The following LRMDA variants were observed in gnomAD, a reference collection of about 807,000 sequenced individuals.
LRMDA encodes the protein leucine-rich melanocyte differentiation-associated protein.
In LRMDA, 18 loss-of-function variants were observed where a neutral mutation model predicts 29.8. The observed-to-expected ratio is 0.60, with a 90% CI of 0.42 to 0.90. LRMDA has a LOEUF of 0.90. Ranked by LOEUF, LRMDA falls within the 40% of genes least tolerant of loss-of-function variation. The pLI, the probability that LRMDA is intolerant of heterozygous loss-of-function variation, is 0.00. For synonymous variants in LRMDA, 125 were observed against 109.4 expected (o/e 1.14, Z -0.89); for missense variants, 273 against 273.9 (o/e 1.00, Z 0.02).
chr10:75,559,191 C>T (rs1840257626), intron 2 of LRMDA, among the ~76,000 whole-genome samples: 1 of 152,168 alleles, frequency 6.6e-6, no homozygotes, highest in Admixed American at 6.5e-5. Flanking sequence ...TTTACAGCAC[C>T]TGTTGTTTCC....
chr10:76,092,752 A>G (rs562158503), intron 5 of LRMDA, among the ~76,000 whole-genome samples: 1 of 152,354 alleles, frequency 6.6e-6, no homozygotes, highest in South Asian at 2.1e-4. Flanking sequence ...GGAAATGTGG[A>G]TGGCAGTGCC....
intron 2 of LRMDA, among the ~76,000 whole-genome samples, chr10:75,625,183 G>C (rs1841235594): frequency 6.6e-6 from 1 of 152,232 alleles, no homozygotes; most frequent in Non-Finnish European, 1.5e-5. Context: ...TGGTAGTGAT[G>C]CTGTGATAAT....
intron 2 of LRMDA, among the ~76,000 whole-genome samples, chr10:75,868,668 A>C (rs1845059440): frequency 1.3e-5 from 2 of 152,182 alleles, no homozygotes; most frequent in African/African-American, 4.8e-5. Context: ...GGCATTCCTG[A>C]GCCTCTCCCG....
At chr10:75,748,684 A>G (rs551004519) in intron 2 of LRMDA, among the ~76,000 whole-genome samples, 1 of 152,268 alleles carries the variant, frequency 6.6e-6, no homozygotes, top group East Asian at 1.9e-4. Context: ...TCAGGCTGGG[A>G]GGTGCATCCC....
intron 2 of LRMDA, among the ~76,000 whole-genome samples, chr10:75,996,735 G>GT (rs1332967445): frequency 0.016 from 2,300 of 139,540 alleles, 18 homozygotes; most frequent in Middle Eastern, 0.034. Flanking sequence ...TTTGTTTGGT[G>GT]TTTTTTTTTT....
intron 5 of LRMDA, among the ~76,000 whole-genome samples, chr10:76,188,950 A>ACACG (rs1554853763): frequency 0.15 from 23,228 of 151,668 alleles, 2,453 homozygotes; most frequent in East Asian, 0.51. Flanking sequence ...ACACACACAC[A>ACACG]CACACACACA....
intron 2 of LRMDA, among the ~76,000 whole-genome samples, chr10:75,474,068 A>G (rs1202561328): frequency 6.6e-6 from 1 of 152,182 alleles, no homozygotes; most frequent in Non-Finnish European, 1.5e-5. Flanking sequence ...TCCAAGTAAT[A>G]TCATCTAGAA....
At chr10:75,619,627 G>T (rs1841154657) in intron 2 of LRMDA, among the ~76,000 whole-genome samples, 1 of 152,170 alleles carries the variant, frequency 6.6e-6, no homozygotes, top group Non-Finnish European at 1.5e-5. Context: ...CATTTTCTCT[G>T]AACGTTTCTT....
intron 6 of LRMDA, among the ~76,000 whole-genome samples, chr10:76,447,053 CTTT>C (rs56294340): frequency 6.8e-6 from 1 of 146,010 alleles, no homozygotes. Context: ...TGATTTCTTT[CTTT>C]TTTTTTTTTA....
intron 6 of LRMDA, among the ~76,000 whole-genome samples, chr10:76,526,630 A>AT (rs914320120): frequency 6.6e-6 from 1 of 151,982 alleles, no homozygotes; most frequent in Non-Finnish European, 1.5e-5. Flanking sequence ...GATAAATCGC[A>AT]TTTTTTGTAT....
At chr10:75,593,554 A>G (rs9416085) in intron 2 of LRMDA, among the ~76,000 whole-genome samples, 93,076 of 152,188 alleles carry the variant, frequency 0.61, 31,498 homozygotes, top group East Asian at 0.85. Context: ...TTGACTAAAG[A>G]AAAGTATACG....
At chr10:76,104,964 A>G (rs1849456708) in intron 5 of LRMDA, among the ~76,000 whole-genome samples, 1 of 152,030 alleles carries the variant, frequency 6.6e-6, no homozygotes. Flanking sequence ...TGCTCTAGCC[A>G]TTCTCTCTGC....
At chr10:75,582,071 TACTGGG>T (rs573517709) in intron 2 of LRMDA, among the ~76,000 whole-genome samples, 1,924 of 152,312 alleles carry the variant, frequency 0.013, 17 homozygotes, top group Non-Finnish European at 0.019. Context: ...CTCCCACAGC[TACTGGG>T]GCTGGCATTG....
chr10:75,613,226 G>A (rs1841055651), intron 2 of LRMDA, among the ~76,000 whole-genome samples: 1 of 151,748 alleles, frequency 6.6e-6, no homozygotes, highest in Admixed American at 6.6e-5. Flanking sequence ...TCCTGAGTTT[G>A]GTCATTAGTT....
intron 5 of LRMDA, among the ~76,000 whole-genome samples, chr10:76,254,289 C>CTATAG (rs1564701414): frequency 1.1e-5 from 1 of 94,578 alleles, no homozygotes; most frequent in Non-Finnish European, 2.2e-5. Context: ...AATTACTATA[C>CTATAG]TATACTATAC....
At chr10:76,476,206 GA>G (rs1466220969) in intron 6 of LRMDA, among the ~76,000 whole-genome samples, 3 of 152,052 alleles carry the variant, frequency 2.0e-5, no homozygotes, top group Non-Finnish European at 2.9e-5. Context: ...AATAAAAAAT[GA>G]CAAAGGGGAT....
intron 2 of LRMDA, among the ~76,000 whole-genome samples, chr10:75,872,005 TTCC>T (rs1034989851): frequency 1.3e-4 from 20 of 152,230 alleles, no homozygotes; most frequent in African/African-American, 4.3e-4. Context: ...CATTGAGGCA[TTCC>T]TCCTCCTCAT....
rs71788669 is a variant in LRMDA, at chr10:76,338,073, GA to G, written c.601+13601del. On this transcript the variant is annotated intron_variant, in intron 6 of 6. Transcript: ENST00000611255. ...AAATGCTGTTACCCTTCTCCTTATA[GA>G]AAAAAAAAAAAACAATTCCCAAATG... Among the ~76,000 whole-genome samples, 671 of 134,116 alleles carry G rather than the reference GA, an allele frequency of 5.0e-3. 4 individuals are homozygous for G. The highest frequency in any genetic ancestry group is 0.015 in the Middle Eastern group (4 of 264). 88.0% of individuals were successfully genotyped at this position (134,116 alleles called of 152,430 possible). A position where few individuals can be genotyped will look rare whatever the true frequency, so the allele number is the denominator to read the frequency against.
rs547499775 is a variant in LRMDA at position 76,289,766 on chromosome 10, G to T, written c.517-34635G>T. On this transcript the variant is annotated intron_variant, in intron 5 of 6. Coordinates refer to ENST00000611255, the MANE Select transcript of LRMDA (RefSeq NM_001305581.2). ...AAAATGGATCAGTAATTGTCCTGAT[G>T]AATTGCCCTTTAATTACCCTCTTTC... Among the ~76,000 whole-genome samples, 9 of 152,300 alleles carry T rather than the reference G, an allele frequency of 5.9e-5. No individual in the cohort carries two copies. In the South Asian group the frequency reaches 6.2e-4, roughly 11 times the overall value.
Sources: allele counts gnomAD v4.1 joint callset (sites outside exome capture counted in the v4.1 genomes callset), GRCh38; gene constraint gnomAD v4.1.1; transcripts MANE v1.5; gene names NCBI Gene and HGNC (gene_info 2026-07-23, HGNC 2026-07-21).